RBFOX1: variants seen among roughly 807,000 people sequenced by gnomAD.
RBFOX1 encodes the protein RNA binding protein fox-1 homolog 1.
In RBFOX1, 8 loss-of-function variants were observed where a neutral mutation model predicts 57.7. That is an observed-to-expected ratio of 0.14 (90% CI 0.08 to 0.25). The LOEUF (loss-of-function observed/expected upper bound fraction) is 0.25. Ranked by LOEUF, RBFOX1 falls within the 10% of genes least tolerant of loss-of-function variation. The pLI, the probability that RBFOX1 is intolerant of heterozygous loss-of-function variation, is 1.00. For synonymous variants in RBFOX1, 326 were observed against 222.4 expected (o/e 1.47, Z -4.15); for missense variants, 611 against 548.5 (o/e 1.11, Z -1.14).
At chr16:6,906,357 A>G (rs997337130) in intron 3 of RBFOX1, among the ~76,000 whole-genome samples, 35 of 152,130 alleles carry the variant, frequency 2.3e-4, no homozygotes, top group African/African-American at 8.5e-4. Context: ...TGATTGTTGA[A>G]AACTCGGTAA....
chr16:5,992,140 C>T (rs1367760177), intron 4 of RBFOX1, among the ~76,000 whole-genome samples: 1 of 150,842 alleles, frequency 6.6e-6, no homozygotes, highest in East Asian at 1.9e-4. Flanking sequence ...TTTACCTTGA[C>T]ATAAAATATC....
chr16:5,814,883 T>G (rs1028309223), intron 3 of RBFOX1, among the ~76,000 whole-genome samples: 20 of 151,896 alleles, frequency 1.3e-4, no homozygotes, highest in Admixed American at 1.1e-3. Flanking sequence ...GAGCCGAGAT[T>G]GCGCCACTGC....
chr16:6,924,410 C>T (rs9888975), intron 3 of RBFOX1, among the ~76,000 whole-genome samples: 3,173 of 151,952 alleles, frequency 0.021, 91 homozygotes, highest in African/African-American at 0.07. Context: ...AACCAGATCT[C>T]GTGTGAACTA....
intron 4 of RBFOX1, among the ~76,000 whole-genome samples, chr16:7,092,390 A>G (rs537270297): frequency 6.6e-6 from 1 of 152,376 alleles, no homozygotes; most frequent in South Asian, 2.1e-4. Context: ...CTGTTTCAAA[A>G]AATGAGATCA....
At chr16:7,579,542 G>A (rs2093591850) in intron 5 of RBFOX1, among the ~76,000 whole-genome samples, 1 of 152,130 alleles carries the variant, frequency 6.6e-6, no homozygotes, top group African/African-American at 2.4e-5. Context: ...CTCCCTGAGG[G>A]CAGGGATTTT....
intron 4 of RBFOX1, among the ~76,000 whole-genome samples, chr16:7,054,842 G>A (rs577113386): frequency 6.6e-6 from 1 of 152,168 alleles, no homozygotes; most frequent in Non-Finnish European, 1.5e-5. Context: ...TCTGTTGTCA[G>A]AATTCAGGGA....
intron 5 of RBFOX1, among the ~76,000 whole-genome samples, chr16:7,530,659 G>A (rs985729134): frequency 6.6e-6 from 1 of 152,022 alleles, no homozygotes; most frequent in African/African-American, 2.4e-5. Flanking sequence ...AGGGGGTCTG[G>A]GTTTCTTCCT....
intron 4 of RBFOX1, among the ~76,000 whole-genome samples, chr16:7,273,869 T>C (rs925224059): frequency 2.6e-5 from 4 of 152,268 alleles, no homozygotes; most frequent in African/African-American, 9.6e-5. Flanking sequence ...AATTTCATTA[T>C]CTGCCATACG....
chr16:7,489,374 A>G (rs1164123328), intron 4 of RBFOX1, among the ~76,000 whole-genome samples: 1 of 152,222 alleles, frequency 6.6e-6, no homozygotes, highest in African/African-American at 2.4e-5. Context: ...TTAATCTCTT[A>G]ATATGTGCCA....
intron 2 of RBFOX1, among the ~76,000 whole-genome samples, chr16:5,503,118 C>T (rs1278144848): frequency 6.6e-6 from 1 of 152,148 alleles, no homozygotes; most frequent in Admixed American, 6.5e-5. Flanking sequence ...TGGAACCACA[C>T]CCCCAGGGTG....
chr16:7,630,479 G>C, intron 10 of RBFOX1, 124 bp from the exon 11 acceptor site: 4 of 1,530,526 alleles, frequency 2.6e-6, no homozygotes, highest in Non-Finnish European at 3.5e-6. Flanking sequence ...GGGTACCCTT[G>C]TCCTGCGCTC....
intron 2 of RBFOX1, among the ~76,000 whole-genome samples, chr16:5,531,363 C>T (rs1466179049): frequency 1.3e-5 from 2 of 152,044 alleles, no homozygotes; most frequent in South Asian, 2.1e-4. Flanking sequence ...TTTTGATTAC[C>T]GTTTGTCCAT....
chr16:7,362,588 T>C (rs1432317022), intron 4 of RBFOX1, among the ~76,000 whole-genome samples: 3 of 152,122 alleles, frequency 2.0e-5, no homozygotes, highest in African/African-American at 7.2e-5. Context: ...TGTGTATTAG[T>C]GTGTGGATGT....
At chr16:7,306,719 G>A (rs541847082) in intron 4 of RBFOX1, among the ~76,000 whole-genome samples, 14 of 152,276 alleles carry the variant, frequency 9.2e-5, no homozygotes, top group Admixed American at 3.3e-4. Flanking sequence ...CCGCTAGGGT[G>A]TAAGTGATAT....
In RBFOX1 at chr16:7,166,972, C is replaced by CTTTTTTTTTTTTTTTTTTTTTTTTTTTTT. The variant is rs537293692; in HGVS notation, c.27+114881_27+114909dup. Among the ~76,000 whole-genome samples the CTTTTTTTTTTTTTTTTTTTTTTTTTTTTT allele has an allele frequency of 3.5e-4, 17 of 49,114 alleles. 3 individuals carry two copies. The highest frequency in any genetic ancestry group is 9.1e-4 in the African/African-American group (9 of 9,926). The allele number at this position is 49,114 out of a possible 152,430, so 32.2% of individuals were successfully genotyped here. A position where few individuals can be genotyped will look rare whatever the true frequency, so the allele number is the denominator to read the frequency against. ...AGCCCCAGATTGCTGCATTGGTGTT[C>CTTTTTTTTTTTTTTTTTTTTTTTTTTTTT]TTTTTTTTTTTTTTTTTTTTTTTTT... is the stretch of plus-strand genomic sequence containing the variant. On this transcript the variant is annotated intron_variant, in intron 4 of 15. Coordinates refer to ENST00000550418, the MANE Select transcript of RBFOX1 (RefSeq NM_018723.4).
At position 6,245,688 on chromosome 16, in the gene RBFOX1, A is replaced by G. The variant is rs147420745; in HGVS notation, c.-126-71307A>G. On this transcript the variant is annotated intron_variant, in intron 1 of 15. Coordinates refer to ENST00000550418, the MANE Select transcript of RBFOX1 (RefSeq NM_018723.4). ...TCTTAACAACTCTTAGTGGTGTTAG[A>G]ATTCTTTCTTCATGAAGCAGGGCAC... 9.1e-4 allele frequency among the ~76,000 whole-genome samples: 139 copies of G among 152,266 alleles called. 1 individual carries two copies. The highest frequency in any genetic ancestry group is 3.4e-3 in the Middle Eastern group (1 of 294).
At chr16:5,268,917 ATT>A (rs149694271) in intron 1 of RBFOX1, among the ~76,000 whole-genome samples, 4,150 of 144,988 alleles carry the variant, frequency 0.029, 84 homozygotes, top group Non-Finnish European at 0.044. Flanking sequence ...TATTTTCTCT[ATT>A]TTTTTTTTTT....
chr16:7,320,162 C>T (rs1332717009), intron 4 of RBFOX1, among the ~76,000 whole-genome samples: 1 of 152,092 alleles, frequency 6.6e-6, no homozygotes, highest in East Asian at 1.9e-4. Context: ...GTTGTCTGCA[C>T]CCATCAACCC....
At chr16:6,245,544 C>G (rs1005765756) in intron 1 of RBFOX1, among the ~76,000 whole-genome samples, 1 of 152,184 alleles carries the variant, frequency 6.6e-6, no homozygotes, top group African/African-American at 2.4e-5. Context: ...AGTGCAACAT[C>G]TAGCAGGTTT....
Sources: gnomAD v4.1 joint callset for allele counts (sites outside exome capture counted in the v4.1 genomes callset) on GRCh38, gnomAD v4.1.1 for gene constraint, MANE v1.5 for transcripts, NCBI Gene and HGNC (gene_info 2026-07-23, HGNC 2026-07-21) for gene names.